Variants in MAP9 observed in about 807,000 individuals in gnomAD.
The protein encoded by MAP9 is microtubule associated protein 9, also known as microtubule-associated protein 9.
In MAP9, 80 loss-of-function variants were observed where a neutral mutation model predicts 75.2. That is an observed-to-expected ratio of 1.06 (90% CI 0.89 to 1.28). The LOEUF (loss-of-function observed/expected upper bound fraction) is 1.28, where lower values mean the gene tolerates loss of function less well. Ranked by LOEUF, MAP9 falls within the 50% of genes most tolerant of loss-of-function variation. The pLI is 0.00. For missense variants in MAP9, 753 were observed against 719.9 expected (o/e 1.05, Z -0.53); for synonymous variants, 235 against 237.3 (o/e 0.99, Z 0.09).
chr4:155,370,730 T>C (rs6830576), intron 4 of MAP9, among the ~76,000 whole-genome samples: 1 of 152,060 alleles, frequency 6.6e-6, no homozygotes, highest in Non-Finnish European at 1.5e-5. Flanking sequence ...CTGTTAACTA[T>C]AGGCACAATG....
rs929414033 is a variant in MAP9, at chr4:155,376,803, G to T, written c.-97C>A. The T allele has an allele frequency of 6.6e-6, 1 of 152,660 alleles. No individual in the cohort carries two copies. Among genetic ancestry groups the T allele is most frequent in the East Asian group, 1.9e-4 (1 of 5,182 alleles). The allele number at this position is 152,660 out of a possible 1,614,324, so 9.5% of individuals were successfully genotyped here. The stretch of plus-strand genomic sequence containing the variant: ...TGGGCCTGGCGGCGCCCGCAGAGCC[G>T]GTCCTGGACCGAGCGAGGAGGAGGG... On this transcript the variant is annotated 5_prime_UTR_variant, in exon 1 of 14. Coordinates refer to ENST00000311277, the MANE Select transcript of MAP9 (RefSeq NM_001039580.2).
At position 155,346,900 on chromosome 4, in the gene MAP9, A is replaced by G. The variant is rs1731305874; in HGVS notation, c.*883T>C. On this transcript the variant is annotated 3_prime_UTR_variant, in exon 14 of 14. Coordinates refer to ENST00000311277, the MANE Select transcript of MAP9 (RefSeq NM_001039580.2). ...ACATTGTCAACATATTTACCTTCCC[A>G]TACAGCTGTCTGCTGAATATAAGCT... 1 of 152,610 alleles carries G rather than the reference A, an allele frequency of 6.6e-6. No homozygotes were observed. The highest frequency in any genetic ancestry group is 1.5e-5 in the Non-Finnish European group (1 of 68,030). The allele number at this position is 152,610 out of a possible 1,614,324, so 9.5% of individuals were successfully genotyped here. A position where few individuals can be genotyped will look rare whatever the true frequency, so the allele number is the denominator to read the frequency against.
rs1731238411 is a variant in MAP9 at position 155,345,170 on chromosome 4, A to G, written c.*2613T>C. 1 of 152,026 alleles carries G rather than the reference A, an allele frequency of 6.6e-6. No homozygotes were observed. Among genetic ancestry groups the G allele is most frequent in the Non-Finnish European group, 1.5e-5 (1 of 67,940 alleles). 9.4% of individuals were successfully genotyped at this position (152,026 alleles called of 1,614,324 possible). On this transcript the variant is annotated 3_prime_UTR_variant, in exon 14 of 14. Transcript: ENST00000311277. ...TCTCTCCCTTGGATCTTAGGAAGTA[A>G]ACAACAGTACTGTATTTTCACCCAC...
Position 155,360,295 on chromosome 4 carries a change from G to T in MAP9, c.923C>A (p.Thr308Asn). 1 of 1,613,198 alleles carries T rather than the reference G, an allele frequency of 6.2e-7. No individual in the cohort carries two copies. The highest frequency in any genetic ancestry group is 1.1e-5 in the South Asian group (1 of 91,064). Residue 308 changes from threonine to asparagine, a missense_variant, in exon 7 of 14, where the codon ACT becomes AAT. Thr to Asn is a moderately conservative substitution (Grantham distance 65). Coordinates refer to ENST00000311277, the MANE Select transcript of MAP9 (RefSeq NM_001039580.2). ...AVEKSKESQV[T>N]ADDLEEEKAK... ...CTTTTCTTCTTCAAGGTCATCAGCAGTCACTTGACTTTCCTTGGATTTCTC... is the reference window on the plus strand; with the variant it reads ...CTTTTCTTCTTCAAGGTCATCAGCATTCACTTGACTTTCCTTGGATTTCTC...
chr4:155,360,261 C>G lies in MAP9; in HGVS notation c.957G>C (p.Ala319=). 2 of 1,613,182 alleles carry G rather than the reference C, an allele frequency of 1.2e-6. No individual in the cohort carries two copies. The highest frequency in any genetic ancestry group is 2.2e-5 in the South Asian group (2 of 91,058). The change falls in exon 7 of 14, where the codon GCG becomes GCC. Residue 319 remains alanine (A), a synonymous_variant. Coordinates refer to ENST00000311277, the MANE Select transcript of MAP9 (RefSeq NM_001039580.2). ...ADDLEEEKAK[A]ELIMDDDRTV... is the part of the protein sequence containing the mutation. ...TTCTGTCATCATCCATAATCAGTTC[C>G]GCTTTTGCCTTTTCTTCTTCAAGGT...
At chr4:155,359,456 C>T (rs1167370610) in intron 7 of MAP9, among the ~76,000 whole-genome samples, 2 of 151,654 alleles carry the variant, frequency 1.3e-5, no homozygotes, top group East Asian at 1.9e-4. Context: ...GAGGGAGGTG[C>T]GGGATGAGAA....
rs1178655993 is a variant in MAP9, at chr4:155,343,445, A to G, written c.*4338T>C. ...ACATGGGTGACTTTTGCTTATTTGC[A>G]TTTTCTAATTATTTAATAATTATAT... On this transcript the variant is annotated 3_prime_UTR_variant, in exon 14 of 14. Coordinates refer to ENST00000311277, the MANE Select transcript of MAP9 (RefSeq NM_001039580.2). The G allele has an allele frequency of 6.6e-6, 1 of 151,398 alleles. No homozygotes were observed. Among genetic ancestry groups the G allele is most frequent in the Non-Finnish European group, 1.5e-5 (1 of 67,698 alleles). 9.4% of individuals were successfully genotyped at this position (151,398 alleles called of 1,614,324 possible).
intron 13 of MAP9, among the ~76,000 whole-genome samples, chr4:155,351,634 C>A (rs1023801565): frequency 4.0e-5 from 6 of 151,664 alleles, no homozygotes; most frequent in Non-Finnish European, 7.4e-5. Flanking sequence ...GGAAAAAAAA[C>A]CAACAATCTA....
At chr4:155,373,638 A>T (rs2111292381) in intron 3 of MAP9, among the ~76,000 whole-genome samples, 182 bp from the exon 4 acceptor site, 1 of 152,336 alleles carries the variant, frequency 6.6e-6, no homozygotes, top group South Asian at 2.1e-4. Flanking sequence ...ACGTCTCATT[A>T]ACATTTATGA....
In MAP9 at chr4:155,344,524, T is replaced by C. The variant is rs1731216001; in HGVS notation, c.*3259A>G. The stretch of plus-strand genomic sequence containing the variant: ...TTTCAGAGGCATAGTTCTATAACTC[T>C]AAGGAACATAAGACTGTGGATACCT... On this transcript the variant is annotated 3_prime_UTR_variant, in exon 14 of 14. Transcript: ENST00000311277. The C allele has an allele frequency of 6.6e-6, 1 of 151,986 alleles. No individual in the cohort carries two copies. The highest frequency in any genetic ancestry group is 2.4e-5 in the African/African-American group (1 of 41,436). 9.4% of individuals were successfully genotyped at this position (151,986 alleles called of 1,614,324 possible). A position where few individuals can be genotyped will look rare whatever the true frequency, so the allele number is the denominator to read the frequency against.
intron 7 of MAP9, among the ~76,000 whole-genome samples, chr4:155,359,208 T>TAC (rs747371949): frequency 1.1e-5 from 1 of 89,638 alleles, no homozygotes; most frequent in East Asian, 4.3e-4. Flanking sequence ...AGAAAATGTG[T>TAC]ATACACACAC....
intron 5 of MAP9, among the ~76,000 whole-genome samples, chr4:155,368,014 CG>C (rs1276341716): frequency 6.6e-6 from 1 of 152,148 alleles, no homozygotes; most frequent in Non-Finnish European, 1.5e-5. Context: ...AAGAGAAAAA[CG>C]AAGTGTTCTC....
At chr4:155,369,749 T>C (rs1360532755) in intron 4 of MAP9, among the ~76,000 whole-genome samples, 1 of 152,234 alleles carries the variant, frequency 6.6e-6, no homozygotes, top group East Asian at 1.9e-4. Flanking sequence ...AAGGAATCTT[T>C]TATGAGTTAA....
At chr4:155,366,468 G>C (rs1732336051) in intron 5 of MAP9, among the ~76,000 whole-genome samples, 1 of 152,132 alleles carries the variant, frequency 6.6e-6, no homozygotes. Flanking sequence ...CAAAATGATT[G>C]CGGTTTTTGT....
At chr4:155,355,979 G>T in intron 8 of MAP9, 95 bp from the exon 9 acceptor site, 1 of 1,129,156 alleles carries the variant, frequency 8.9e-7, no homozygotes, top group Non-Finnish European at 1.2e-6. Context: ...TTTGAAAACT[G>T]GCCAGGCATG....
chr4:155,370,755 A>G (rs1186846062), intron 4 of MAP9, among the ~76,000 whole-genome samples: 1 of 152,228 alleles, frequency 6.6e-6, no homozygotes, highest in African/African-American at 2.4e-5. Flanking sequence ...GCAGATCTCT[A>G]GAACTTACGC....
chr4:155,368,870 C>A, intron 4 of MAP9, 58 bp from the exon 5 acceptor site: 1 of 1,402,340 alleles, frequency 7.1e-7, no homozygotes, highest in Non-Finnish European at 9.8e-7. Flanking sequence ...CTTTATCTAT[C>A]TCTCTGGGTG....
At chr4:155,350,560 T>C (rs1352319509) in intron 13 of MAP9, among the ~76,000 whole-genome samples, 1 of 152,052 alleles carries the variant, frequency 6.6e-6, no homozygotes, top group Admixed American at 6.6e-5. Flanking sequence ...GCAGTCAGTG[T>C]ACATCTTCTT....
chr4:155,358,751 G>A (rs898357476), intron 7 of MAP9, among the ~76,000 whole-genome samples: 2 of 151,872 alleles, frequency 1.3e-5, no homozygotes, highest in Non-Finnish European at 2.9e-5. Flanking sequence ...CCACTAAAAA[G>A]AGGGCAAAAA....
Sources: allele counts gnomAD v4.1 joint callset (sites outside exome capture counted in the v4.1 genomes callset), GRCh38; gene constraint gnomAD v4.1.1; transcripts MANE v1.5; gene names NCBI Gene and HGNC (gene_info 2026-07-23, HGNC 2026-07-21).